The following INPP4B variants were observed in gnomAD, a reference collection of about 807,000 sequenced individuals.
The protein encoded by INPP4B is inositol polyphosphate 4-phosphatase type II.
In INPP4B, 55 loss-of-function variants were observed where a neutral mutation model predicts 122.5. The observed-to-expected ratio is 0.45, with a 90% CI of 0.36 to 0.56. INPP4B has a LOEUF of 0.56. Ranked by LOEUF, INPP4B falls within the 20% of genes least tolerant of loss-of-function variation. The pLI is 0.00. For synonymous variants in INPP4B, 403 were observed against 388.7 expected (o/e 1.04, Z -0.43); for missense variants, 1,000 against 1,097.7 (o/e 0.91, Z 1.26).
chr4:142,112,824 A>T, intron 21 of INPP4B, 142 bp from the exon 22 acceptor site: 1 of 624,612 alleles, frequency 1.6e-6, no homozygotes, highest in Non-Finnish European at 2.6e-6. Flanking sequence ...TTCCTCATTC[A>T]TTCATCTCCT....
At chr4:142,648,530 C>T (rs1752280604) in intron 2 of INPP4B, among the ~76,000 whole-genome samples, 1 of 152,224 alleles carries the variant, frequency 6.6e-6, no homozygotes, top group Non-Finnish European at 1.5e-5. Context: ...CTATGCCTGG[C>T]TCAGTGGGTC....
chr4:142,032,418 T>C (rs547359456), intron 25 of INPP4B, among the ~76,000 whole-genome samples: 5 of 152,208 alleles, frequency 3.3e-5, no homozygotes, highest in Non-Finnish European at 7.4e-5. Flanking sequence ...AGGGTAGCAG[T>C]TTGAATTTCC....
At chr4:142,692,017 A>G (rs1760257230) in intron 2 of INPP4B, among the ~76,000 whole-genome samples, 1 of 152,218 alleles carries the variant, frequency 6.6e-6, no homozygotes, top group African/African-American at 2.4e-5. Flanking sequence ...TCTTCACAGG[A>G]AAAAGAAACC....
intron 2 of INPP4B, among the ~76,000 whole-genome samples, chr4:142,603,451 A>G (rs1042180972): frequency 3.3e-5 from 5 of 152,138 alleles, no homozygotes; most frequent in African/African-American, 1.2e-4. Context: ...CTTTGAAAAG[A>G]TAAACAAAAT....
At chr4:142,080,550 A>G (rs1773368452) in intron 25 of INPP4B, among the ~76,000 whole-genome samples, 2 of 152,172 alleles carry the variant, frequency 1.3e-5, no homozygotes, top group South Asian at 2.1e-4. Context: ...ATGCTATATC[A>G]TGAGCAAATG....
At chr4:142,352,635 C>T (rs1424677393) in intron 7 of INPP4B, among the ~76,000 whole-genome samples, 1 of 151,776 alleles carries the variant, frequency 6.6e-6, no homozygotes, top group African/African-American at 2.4e-5. Context: ...TATGGCACAC[C>T]ACTAACAGAG....
chr4:142,143,915 C>T (rs1809233369), intron 18 of INPP4B, among the ~76,000 whole-genome samples: 1 of 151,850 alleles, frequency 6.6e-6, no homozygotes, highest in Non-Finnish European at 1.5e-5. Flanking sequence ...TAAATAGTGA[C>T]TTCTCTTAAA....
chr4:142,831,029 G>GA (rs1011324415), intron 1 of INPP4B, among the ~76,000 whole-genome samples: 343 of 143,264 alleles, frequency 2.4e-3, no homozygotes, highest in African/African-American at 5.9e-3. Flanking sequence ...CTCAAAAAAG[G>GA]AAAAAAAAAA....
rs1026636149 is a variant in INPP4B at position 142,055,813 on chromosome 4, C to T, written c.2642+26218G>A. ...CATGGAAGACCATTTTTCCACTGAC[C>T]TGGGGGTGGGGGCGATGGTTTAGGG... On this transcript the variant is annotated intron_variant, in intron 25 of 25. Transcript: ENST00000262992. Among the ~76,000 whole-genome samples the T allele has an allele frequency of 1.1e-4, 16 of 151,826 alleles. No homozygotes were observed. In the East Asian group the frequency reaches 1.7e-3, roughly 17 times the overall value.
chr4:142,387,369 G>A (rs4551010), intron 7 of INPP4B, among the ~76,000 whole-genome samples: 30,021 of 151,166 alleles, frequency 0.2, 3,888 homozygotes, highest in African/African-American at 0.37. Context: ...TCTTTCTGGC[G>A]TATACATTAG....
Position 142,720,733 on chromosome 4 carries a change from T to TATATATATATACACACATATATAA in INPP4B, c.-191+5105_-191+5106insTTATATATGTGTGTATATATATAT, listed in dbSNP as rs1553997301. 1.9e-3 allele frequency among the ~76,000 whole-genome samples: 105 copies of TATATATATATACACACATATATAA among 55,470 alleles called. 5 individuals are homozygous for TATATATATATACACACATATATAA. The highest frequency in any genetic ancestry group is 9.7e-3 in the African/African-American group (105 of 10,846). The allele number at this position is 55,470 out of a possible 152,430, so 36.4% of individuals were successfully genotyped here. A position where few individuals can be genotyped will look rare whatever the true frequency, so the allele number is the denominator to read the frequency against. ...AACTGTATATGTGTATATATATACA[T>TATATATATATACACACATATATAA]ATATATATATATATACATATATATA... On this transcript the variant is annotated intron_variant, in intron 2 of 25. Transcript: ENST00000262992.
intron 15 of INPP4B, among the ~76,000 whole-genome samples, chr4:142,188,231 T>C (rs1834012662): frequency 6.6e-6 from 1 of 151,942 alleles, no homozygotes; most frequent in African/African-American, 2.4e-5. Flanking sequence ...CTCATGCCTG[T>C]AATCCCAACA....
intron 2 of INPP4B, among the ~76,000 whole-genome samples, chr4:142,683,441 C>G (rs985099310): frequency 6.6e-6 from 1 of 151,768 alleles, no homozygotes; most frequent in African/African-American, 2.4e-5. Flanking sequence ...ACAGATGCAG[C>G]ACAGAGTATC....
In INPP4B at chr4:142,023,965, A is replaced by G. The variant is rs1281322727; in HGVS notation, c.*4817T>C. The G allele has an allele frequency of 6.6e-6, 1 of 151,416 alleles. No homozygotes were observed. Among genetic ancestry groups the G allele is most frequent in the South Asian group, 2.1e-4 (1 of 4,802 alleles). 9.4% of individuals were successfully genotyped at this position (151,416 alleles called of 1,614,324 possible). ...TTACATTTTTTTTTTTGCTTATATT[A>G]CCTTACTATTTTTCCTGTCTCCTTG... On this transcript the variant is annotated 3_prime_UTR_variant, in exon 26 of 26. Transcript: ENST00000262992.
rs1013105588 is a variant in INPP4B, at chr4:142,403,028, A to G, written c.282T>C (p.Thr94=). 6.2e-7 allele frequency: 1 copy of G among 1,608,676 alleles called. No individual in the cohort carries two copies. The highest frequency in any genetic ancestry group is 1.3e-5 in the African/African-American group (1 of 74,972). ...VEGTRDPLFL[T]GVTFPSEYPI... ...GATACTCAGATGGGAATGTGACACC[A>G]GTCAAAAACAGTGGGTCCCTTGTTC... The change falls in exon 7 of 26, where the codon ACT becomes ACC. Residue 94 remains threonine, a synonymous_variant. Coordinates refer to ENST00000262992, the MANE Select transcript of INPP4B (RefSeq NM_001101669.3).
chr4:142,581,040 T>C (rs1478871855), intron 2 of INPP4B, among the ~76,000 whole-genome samples: 3 of 152,084 alleles, frequency 2.0e-5, no homozygotes, highest in African/African-American at 7.2e-5. Context: ...GGAAGAAATA[T>C]GTCAGAAATA....
intron 3 of INPP4B, among the ~76,000 whole-genome samples, chr4:142,456,661 A>G (rs1307078057): frequency 6.6e-6 from 1 of 152,158 alleles, no homozygotes; most frequent in Non-Finnish European, 1.5e-5. Context: ...TCTATGTGCT[A>G]TAATCTATAA....
intron 2 of INPP4B, among the ~76,000 whole-genome samples, chr4:142,636,802 G>T (rs1178777053): frequency 6.6e-6 from 1 of 151,704 alleles, no homozygotes; most frequent in Non-Finnish European, 1.5e-5. Flanking sequence ...CATGTCACTG[G>T]TATTTCCTGA....
intron 1 of INPP4B, among the ~76,000 whole-genome samples, chr4:142,748,968 C>T (rs969012269): frequency 2.0e-5 from 3 of 151,574 alleles, no homozygotes; most frequent in East Asian, 2.0e-4. Flanking sequence ...GGCAAAACCC[C>T]GTCTCTACTA....
Sources: allele counts gnomAD v4.1 joint callset (sites outside exome capture counted in the v4.1 genomes callset), GRCh38; gene constraint gnomAD v4.1.1; transcripts MANE v1.5; gene names NCBI Gene and HGNC (gene_info 2026-07-23, HGNC 2026-07-21).